PAPPA: variants seen among roughly 807,000 people sequenced by gnomAD.
PAPPA encodes the protein pappalysin-1.
In PAPPA, 60 loss-of-function variants were observed where a neutral mutation model predicts 164.0. The observed-to-expected ratio is 0.37, with a 90% CI of 0.30 to 0.45. The LOEUF is 0.45. Ranked by LOEUF, PAPPA falls within the 20% of genes least tolerant of loss-of-function variation. The pLI is 1.00. For synonymous variants in PAPPA, 875 were observed against 814.1 expected (o/e 1.07, Z -1.27); for missense variants, 1,782 against 2,087.3 (o/e 0.85, Z 2.85).
In PAPPA at chr9:116,383,712, T is replaced by A. The variant is rs1304379509; in HGVS notation, c.4776+1219T>A. 3.3e-5 allele frequency among the ~76,000 whole-genome samples: 5 copies of A among 152,192 alleles called. No homozygotes were observed. In the East Asian group the frequency reaches 7.7e-4, roughly 23 times the overall value. On this transcript the variant is annotated intron_variant, in intron 21 of 21. Transcript: ENST00000328252. Reference sequence around the variant, plus strand: ...GTTACTGAATCTTTTGGTTGAGGAATAAAATTTCTGGGATTGTCCAGGATC... The same window carrying A: ...GTTACTGAATCTTTTGGTTGAGGAAAAAAATTTCTGGGATTGTCCAGGATC...
At chr9:116,208,488 T>C (rs2118678322) in intron 3 of PAPPA, among the ~76,000 whole-genome samples, 1 of 152,318 alleles carries the variant, frequency 6.6e-6, no homozygotes, top group Middle Eastern at 3.4e-3. Flanking sequence ...AGCCAAGATT[T>C]TTAATAGCCA....
chr9:116,359,796 T>C (rs886075234), intron 17 of PAPPA, among the ~76,000 whole-genome samples: 1 of 152,232 alleles, frequency 6.6e-6, no homozygotes, highest in African/African-American at 2.4e-5. Flanking sequence ...GAAGGATACA[T>C]ACATAGCAAG....
In PAPPA at chr9:116,170,093, C is replaced by T. The variant is rs532445633; in HGVS notation, c.415+15506C>T. 6.6e-5 allele frequency among the ~76,000 whole-genome samples: 10 copies of T among 152,144 alleles called. No individual in the cohort carries two copies. The East Asian group carries it at 1.9e-3, about 29-fold the overall frequency. ...TTTTCTGTAAAAATTTGAGGTTGTGCATATTTTTCTGGAGTCAAAGTTCTT... is the reference window on the plus strand; with the variant it reads ...TTTTCTGTAAAAATTTGAGGTTGTGTATATTTTTCTGGAGTCAAAGTTCTT... On this transcript the variant is annotated intron_variant, in intron 1 of 21. Transcript: ENST00000328252.
intron 9 of PAPPA, among the ~76,000 whole-genome samples, chr9:116,295,217 C>T (rs1419144033): frequency 6.6e-6 from 1 of 152,090 alleles, no homozygotes; most frequent in Non-Finnish European, 1.5e-5. Flanking sequence ...AATATTGAGA[C>T]TTACTTAAGG....
chr9:116,227,787 A>G lies in PAPPA; in HGVS notation c.2233+235A>G, dbSNP rs557591836. Among the ~76,000 whole-genome samples the G allele has an allele frequency of 7.2e-5, 11 of 152,314 alleles. No individual in the cohort carries two copies. The East Asian group carries it at 9.6e-4, about 13-fold the overall frequency. ...TACAAATGAGGAAACAAAGACAATA[A>G]GATATTAAAGAAGTGCCCAAGGCCA... is the stretch of plus-strand genomic sequence containing the variant. On this transcript the variant is annotated intron_variant, in intron 6 of 21. Coordinates refer to ENST00000328252, the MANE Select transcript of PAPPA (RefSeq NM_002581.5).
At chr9:116,241,436 C>A (rs749043434) in intron 7 of PAPPA, among the ~76,000 whole-genome samples, 1 of 152,042 alleles carries the variant, frequency 6.6e-6, no homozygotes, top group African/African-American at 2.4e-5. Context: ...CAGAAGTGTC[C>A]CCCAGTAACT....
chr9:116,264,143 G>A (rs140809550), intron 7 of PAPPA, among the ~76,000 whole-genome samples: 2 of 152,262 alleles, frequency 1.3e-5, no homozygotes, highest in African/African-American at 2.4e-5. Flanking sequence ...CCCTGGGATT[G>A]TTACTTTTTT....
intron 7 of PAPPA, among the ~76,000 whole-genome samples, chr9:116,237,116 G>C (rs1018919834): frequency 6.6e-6 from 1 of 152,174 alleles, no homozygotes; most frequent in Non-Finnish European, 1.5e-5. Flanking sequence ...CCAAGTTCTA[G>C]AGGAAACTTT....
chr9:116,234,099 G>T (rs1041223122), intron 6 of PAPPA, among the ~76,000 whole-genome samples: 2 of 152,128 alleles, frequency 1.3e-5, no homozygotes, highest in African/African-American at 4.8e-5. Context: ...CATCCGGTCT[G>T]TCTCTCTCAT....
At chr9:116,230,923 A>T (rs1844583451) in intron 6 of PAPPA, among the ~76,000 whole-genome samples, 3 of 152,124 alleles carry the variant, frequency 2.0e-5, no homozygotes, top group African/African-American at 7.2e-5. Context: ...TCCATGAGAG[A>T]TTAGCACATG....
intron 7 of PAPPA, among the ~76,000 whole-genome samples, chr9:116,245,610 G>A (rs1351996132): frequency 6.6e-6 from 1 of 152,162 alleles, no homozygotes; most frequent in African/African-American, 2.4e-5. Context: ...AGAAGTAGCT[G>A]TTTAATGATT....
intron 3 of PAPPA, 148 bp downstream of exon 3, chr9:116,207,749 A>T (rs1844254898): frequency 5.2e-6 from 3 of 579,216 alleles, no homozygotes; most frequent in South Asian, 8.2e-5. Flanking sequence ...AATTTACAAA[A>T]TTCTTTAGCA....
chr9:116,393,366 C>T (rs907402741), intron 21 of PAPPA, among the ~76,000 whole-genome samples: 11 of 152,154 alleles, frequency 7.2e-5, no homozygotes, highest in Non-Finnish European at 1.0e-4. Flanking sequence ...CAAAGTCACC[C>T]AGCAACTGAC....
intron 10 of PAPPA, among the ~76,000 whole-genome samples, chr9:116,319,499 G>A (rs562716126): frequency 1.3e-5 from 2 of 152,280 alleles, no homozygotes; most frequent in South Asian, 2.1e-4. Context: ...TACTTCCACT[G>A]CTATTGTGAA....
intron 18 of PAPPA, among the ~76,000 whole-genome samples, chr9:116,366,871 C>T (rs1206554132): frequency 6.6e-6 from 1 of 151,740 alleles, no homozygotes; most frequent in South Asian, 2.1e-4. Context: ...TCTGTAAGAT[C>T]ATTAAAAATG....
chr9:116,326,971 T>C (rs1289184637), intron 10 of PAPPA, among the ~76,000 whole-genome samples: 4 of 152,250 alleles, frequency 2.6e-5, no homozygotes, highest in African/African-American at 9.6e-5. Context: ...ATATTCTTTA[T>C]CCATTCTTCT....
intron 1 of PAPPA, among the ~76,000 whole-genome samples, chr9:116,168,450 T>A (rs1172570395): frequency 6.6e-6 from 1 of 152,136 alleles, no homozygotes; most frequent in African/African-American, 2.4e-5. Flanking sequence ...AACAGAGTCC[T>A]GGGGAAGCAC....
intron 7 of PAPPA, among the ~76,000 whole-genome samples, chr9:116,259,324 C>A (rs999078241): frequency 2.0e-5 from 3 of 151,886 alleles, no homozygotes; most frequent in African/African-American, 7.3e-5. Flanking sequence ...ATACAAAATT[C>A]TCTTATCAAC....
In PAPPA at chr9:116,203,840, G is replaced by A. The variant is rs537335306; in HGVS notation, c.1479-3616G>A. Reference sequence around the variant, plus strand: ...GATTTAAAGGGCCAATCATCAGGAAGAAAGATTGCAAGGCAGAGGAGGGAA... The same window carrying A: ...GATTTAAAGGGCCAATCATCAGGAAAAAAGATTGCAAGGCAGAGGAGGGAA... On this transcript the variant is annotated intron_variant, in intron 2 of 21. Transcript: ENST00000328252. Among the ~76,000 whole-genome samples, 9 of 152,280 alleles carry A rather than the reference G, an allele frequency of 5.9e-5. No homozygotes were observed. In the East Asian group the frequency reaches 1.7e-3, roughly 29 times the overall value.
Sources: gnomAD v4.1 joint callset for allele counts (sites outside exome capture counted in the v4.1 genomes callset) on GRCh38, gnomAD v4.1.1 for gene constraint, MANE v1.5 for transcripts, NCBI Gene and HGNC (gene_info 2026-07-23, HGNC 2026-07-21) for gene names.